FBN3: variants seen among roughly 807,000 people sequenced by gnomAD.
FBN3 encodes fibrillin 3, also known as fibrillin-3.
A neutral mutation model predicts 330.1 loss-of-function variants in FBN3; 234 were observed. The observed-to-expected ratio is 0.71, with a 90% confidence interval of 0.64 to 0.79. The LOEUF (loss-of-function observed/expected upper bound fraction) is 0.79. FBN3 is among the 30% of genes least tolerant of loss of function. The probability of loss-of-function intolerance (pLI) is 0.00; values close to 1 mark genes in which losing one functional copy is unlikely to be tolerated. For synonymous variants in FBN3, 1,458 were observed against 1,517.3 expected, an observed-to-expected ratio of 0.96 and a Z score of 0.91; for missense variants, 3,606 against 3,886.9, an observed-to-expected ratio of 0.93 and a Z score of 1.92.
In FBN3 at chr19:8,143,814, TC is replaced by T. The variant is rs1356423111; in HGVS notation, c.541+1062del. On this transcript the variant is annotated intron_variant, in intron 6 of 63. Coordinates refer to ENST00000600128, the MANE Select transcript of FBN3 (RefSeq NM_032447.5). ...GGCCTCTTTTCTTTCTTTCTTTCTT[TC>T]TTTCTTTTTTTTTTTTAAGAGACAG... Among the ~76,000 whole-genome samples the T allele has an allele frequency of 4.1e-4, 49 of 120,930 alleles. 1 individual carries two copies. Among genetic ancestry groups the T allele is most frequent in the Middle Eastern group, 4.3e-3 (1 of 232 alleles). The allele number at this position is 120,930 out of a possible 152,430, so 79.3% of individuals were successfully genotyped here. A position where few individuals can be genotyped will look rare whatever the true frequency, so the allele number is the denominator to read the frequency against.
chr19:8,127,957 C>T (rs972599604), intron 18 of FBN3, among the ~76,000 whole-genome samples: 13 of 152,022 alleles, frequency 8.6e-5, no homozygotes, highest in Non-Finnish European at 4.4e-5. Flanking sequence ...GCCGAGATCG[C>T]CCCATTGCAC....
chr19:8,072,688 G>A (rs2081542513), intron 62 of FBN3, among the ~76,000 whole-genome samples: 1 of 151,390 alleles, frequency 6.6e-6, no homozygotes, highest in Non-Finnish European at 1.5e-5. Context: ...GGGCATGCAT[G>A]AGCCTGAGTG....
chr19:8,126,340 G>A lies in FBN3; in HGVS notation c.2562C>T (p.Ala854=). Residue 854 remains alanine, a synonymous_variant, in exon 21 of 64, where the codon GCC becomes GCT. Transcript: ENST00000600128. The part of the protein sequence containing the change: ...SPCERCEIDP[A]CARGFARMTG... ...TCATCCGGGCAAAGCCCCGGGCACA[G>A]GCAGGGTCTGCAACTGGGAGAACAA... 1 of 1,590,656 alleles carries A rather than the reference G, an allele frequency of 6.3e-7. No homozygotes were observed. The highest frequency in any genetic ancestry group is 1.3e-5 in the African/African-American group (1 of 74,994).
chr19:8,067,123 CT>C (rs997965759), intron 63 of FBN3, among the ~76,000 whole-genome samples: 26 of 147,424 alleles, frequency 1.8e-4, no homozygotes, highest in African/African-American at 9.9e-5. Context: ...GTTTCTTCTT[CT>C]TTTTCTTTTT....
In FBN3 at chr19:8,123,588, A is replaced by G. The variant is rs759547624; in HGVS notation, c.2958T>C (p.Asp986=). 2.4e-5 allele frequency: 39 copies of G among 1,614,036 alleles called. No homozygotes were observed. Among genetic ancestry groups the G allele is most frequent in the Non-Finnish European group, 2.9e-5 (34 of 1,180,020 alleles). The change falls in exon 24 of 64, where the codon GAT becomes GAC. Residue 986 remains aspartate, a splice_region_variant and synonymous_variant. Coordinates refer to ENST00000600128, the MANE Select transcript of FBN3 (RefSeq NM_032447.5). ...CAGGGAACACCTTGCATTCATTCAC[A>G]TCTGAAGTACAGGGGCATCAAACCA... is the stretch of plus-strand genomic sequence containing the variant. The part of the protein sequence containing the change: ...DFLSGRPFYK[D]VNECKVFPGL...
chr19:8,147,067 C>T, intron 3 of FBN3, 37 bp downstream of exon 3: 1 of 1,527,506 alleles, frequency 6.5e-7, no homozygotes, highest in Non-Finnish European at 8.8e-7. Context: ...TGTCCCCGGC[C>T]TGTGCCCCCC....
At chr19:8,135,936 G>GGGGGGGGGGGGGCCCCCCC in intron 13 of FBN3, 25 bp downstream of exon 13, 27 of 668,674 alleles carry the variant, frequency 4.0e-5, no homozygotes, top group East Asian at 7.9e-5. Context: ...GGAAGCCCCT[G>GGGGGGGGGGGGGCCCCCCC]CCCACCCGCC....
At chr19:8,136,752 G>A (rs997260345) in intron 10 of FBN3, among the ~76,000 whole-genome samples, 14 of 148,994 alleles carry the variant, frequency 9.4e-5, no homozygotes, top group Non-Finnish European at 1.9e-4. Context: ...TCCAACCTGG[G>A]CCTGGATCCC....
In FBN3 at chr19:8,087,718, T is replaced by C. The variant is rs2081997532; in HGVS notation, c.6619+107A>G. ...GCCTCCCAGGTTCAAGCGATTCTCCTGTCTCTCAGCCTCCCAAGTAGCTGG... is the reference window on the plus strand; with the variant it reads ...GCCTCCCAGGTTCAAGCGATTCTCCCGTCTCTCAGCCTCCCAAGTAGCTGG... On this transcript the variant is annotated intron_variant, in intron 53 of 63. Transcript: ENST00000600128. 11 of 974,170 alleles carry C rather than the reference T, an allele frequency of 1.1e-5. 1 individual carries two copies. In the Middle Eastern group the frequency reaches 1.5e-3, roughly 129 times the overall value. 60.3% of individuals were successfully genotyped at this position (974,170 alleles called of 1,614,324 possible).
At position 8,123,847 on chromosome 19, in the gene FBN3, G is replaced by A. The variant is rs367990912; in HGVS notation, c.2893C>T (p.Leu965=). The A allele has an allele frequency of 1.2e-5, 20 of 1,612,946 alleles. No individual in the cohort carries two copies. The highest frequency in any genetic ancestry group is 1.6e-5 in the Non-Finnish European group (19 of 1,179,964). Residue 965 remains leucine (L), a synonymous_variant, in exon 23 of 64, where the codon CTG becomes TTG. Coordinates refer to ENST00000600128, the MANE Select transcript of FBN3 (RefSeq NM_032447.5). The part of the protein sequence containing the change: ...PDPESLEFAS[L]CPRGLGFASR... ...GCGAAGCCCAGCCCCCGCGGGCACA[G>A]GCTGGCGAACTCCAGAGACTCGGGA...
rs1482355608 is a variant in FBN3, at chr19:8,149,453, G to A, written c.-22C>T. 6.6e-6 allele frequency: 1 copy of A among 152,030 alleles called. No individual in the cohort carries two copies. Among genetic ancestry groups the A allele is most frequent in the African/African-American group, 2.4e-5 (1 of 41,428 alleles). 9.4% of individuals were successfully genotyped at this position (152,030 alleles called of 1,614,324 possible). A position where few individuals can be genotyped will look rare whatever the true frequency, so the allele number is the denominator to read the frequency against. On this transcript the variant is annotated 5_prime_UTR_variant, in exon 1 of 64. Coordinates refer to ENST00000600128, the MANE Select transcript of FBN3 (RefSeq NM_032447.5). This position sits in a 1 kb window ranked among gnomAD's most constrained non-coding sequence, Gnocchi z 5.5. ...TGGCCCCGCGCCTTCACCTACCTGC[G>A]AGGCGGCGCGCGTGGAGGCGGGCAC...
intron 52 of FBN3, 27 bp from the exon 53 acceptor site, chr19:8,087,974 T>C (rs746466991): frequency 1.2e-6 from 2 of 1,613,924 alleles, no homozygotes; most frequent in Admixed American, 1.7e-5. Context: ...AGGTGCCAGC[T>C]GGGTAGGGAC....
chr19:8,075,936 A>T (rs1023951744), intron 59 of FBN3, among the ~76,000 whole-genome samples: 1 of 152,072 alleles, frequency 6.6e-6, no homozygotes, highest in African/African-American at 2.4e-5. Flanking sequence ...CCAAAATCCT[A>T]TGTTGAAGCC....
intron 26 of FBN3, 45 bp from the exon 27 acceptor site, chr19:8,117,634 C>G: frequency 6.7e-7 from 1 of 1,491,826 alleles, no homozygotes; most frequent in Non-Finnish European, 9.0e-7. Flanking sequence ...CCCCATCTGC[C>G]GTCTGTGTGA....
intron 16 of FBN3, among the ~76,000 whole-genome samples, chr19:8,130,135 T>A (rs1360324003): frequency 1.3e-5 from 2 of 151,866 alleles, no homozygotes; most frequent in Non-Finnish European, 2.9e-5. Flanking sequence ...TGACCTCAAG[T>A]GATCCACCTC....
At chr19:8,072,722 A>G (rs931238828) in intron 62 of FBN3, among the ~76,000 whole-genome samples, 7 of 145,268 alleles carry the variant, frequency 4.8e-5, no homozygotes, top group Admixed American at 4.0e-4. Context: ...GCGCGCGTGC[A>G]CACACACACA....
intron 8 of FBN3, among the ~76,000 whole-genome samples, chr19:8,141,149 C>G (rs1424733254): frequency 7.2e-6 from 1 of 138,182 alleles, no homozygotes; most frequent in Non-Finnish European, 1.5e-5. Context: ...GAGCCGAGAT[C>G]GCGCCACTGC....
At chr19:8,097,045 A>C (rs1355631084) in intron 42 of FBN3, 39 bp from the exon 43 acceptor site, 3 of 1,601,554 alleles carry the variant, frequency 1.9e-6, no homozygotes, top group Non-Finnish European at 1.7e-6. Context: ...GTGACAGAGA[A>C]GCCCATCCTG....
intron 59 of FBN3, 62 bp from the exon 60 acceptor site, chr19:8,075,473 C>T: frequency 6.5e-7 from 1 of 1,549,728 alleles, no homozygotes. Context: ...TCAGGTGACA[C>T]AATGCCAGTC....
Sources: gnomAD v4.1 joint callset for allele counts (sites outside exome capture counted in the v4.1 genomes callset) on GRCh38, gnomAD v4.1.1 for gene constraint, Gnocchi (gnomAD v3.1) non-coding constraint, MANE v1.5 for transcripts, NCBI Gene and HGNC (gene_info 2026-07-23, HGNC 2026-07-21) for gene names.